HMCN1: variants seen among roughly 807,000 people sequenced by gnomAD.
The protein encoded by HMCN1 is hemicentin-1.
Under a neutral mutation model 625.9 loss-of-function variants are expected in HMCN1, and 321 were observed. The observed-to-expected ratio is 0.51, with a 90% CI of 0.47 to 0.56. The LOEUF (loss-of-function observed/expected upper bound fraction) is 0.56, where lower values mean the gene tolerates loss of function less well. Among genes scored for constraint, HMCN1 ranks in the 20% least tolerant of loss-of-function variants. The pLI is 0.00. For synonymous variants in HMCN1, 2,425 were observed against 2,417.6 expected, an observed-to-expected ratio of 1.00 and a Z score of -0.09; for missense variants, 6,588 against 6,887.3, an observed-to-expected ratio of 0.96 and a Z score of 1.54.
chr1:185,957,847 A>C (rs907049101), intron 11 of HMCN1, among the ~76,000 whole-genome samples: 1 of 152,196 alleles, frequency 6.6e-6, no homozygotes, highest in Admixed American at 6.5e-5. Context: ...TAATGATGAG[A>C]ATTACTTCAC....
chr1:186,081,321 C>T lies in HMCN1; in HGVS notation c.8714C>T (p.Ser2905Phe), dbSNP rs758228299. 8 of 1,613,614 alleles carry T rather than the reference C, an allele frequency of 5.0e-6. No homozygotes were observed. In the Admixed American group the frequency reaches 1.2e-4, roughly 24 times the overall value. Residue 2905 changes from serine to phenylalanine, a missense_variant, in exon 56 of 107, where the codon TCC (serine) becomes TTC (phenylalanine). Around this residue, in one of 3 missense-constraint regions of HMCN1, gnomAD observed 4,628 missense variants for 4,853.1 expected, o/e 0.95. Transcript: ENST00000271588. ...LSSGSPAPRN[S>F]WQKDGQPLLE... ...AGTGGCAGCCCAGCACCAAGGAATT[C>T]CTGGCAGAAAGATGGACAGCCCTTG...
chr1:185,806,333 G>T (rs1221199966), intron 1 of HMCN1, among the ~76,000 whole-genome samples: 1 of 151,980 alleles, frequency 6.6e-6, no homozygotes, highest in Non-Finnish European at 1.5e-5. Flanking sequence ...TATGTAGGGA[G>T]TGCTTTTCTC....
At chr1:185,923,298 T>C in intron 7 of HMCN1, 92 bp from the exon 8 acceptor site, 1 of 978,956 alleles carries the variant, frequency 1.0e-6, no homozygotes, top group East Asian at 2.5e-5. Flanking sequence ...ATCCTTATGG[T>C]ACTCATATAT....
rs144385476 is a variant in HMCN1, at chr1:185,799,555, C to T, written c.269-46471C>T. 2.2e-3 allele frequency among the ~76,000 whole-genome samples: 332 copies of T among 152,180 alleles called. 2 individuals are homozygous for T. The highest frequency in any genetic ancestry group is 7.6e-3 in the African/African-American group (314 of 41,532). On this transcript the variant is annotated intron_variant, in intron 1 of 106. Coordinates refer to ENST00000271588, the MANE Select transcript of HMCN1 (RefSeq NM_031935.3). The stretch of plus-strand genomic sequence containing the variant: ...AGAATGGTGTAGACTCTATGATTTC[C>T]TAGGTTATGAATACCCTTGGTGTGG...
At chr1:186,121,245 A>G (rs1193222177) in intron 80 of HMCN1, among the ~76,000 whole-genome samples, 2 of 152,170 alleles carry the variant, frequency 1.3e-5, no homozygotes, top group Admixed American at 1.3e-4. Context: ...GGCATGATGT[A>G]CCCTAAGATA....
At chr1:186,071,833 A>C (rs1658497457) in intron 52 of HMCN1, among the ~76,000 whole-genome samples, 1 of 152,154 alleles carries the variant, frequency 6.6e-6, no homozygotes, top group Non-Finnish European at 1.5e-5. Flanking sequence ...ATTCTTTATG[A>C]GTTTACTTGG....
At chr1:186,172,657 G>A (rs992671824) in intron 102 of HMCN1, among the ~76,000 whole-genome samples, 6 of 152,178 alleles carry the variant, frequency 3.9e-5, no homozygotes, top group Non-Finnish European at 8.8e-5. Context: ...TTTGTTCTGT[G>A]TATGTCTAGG....
chr1:185,814,673 AT>A lies in HMCN1; in HGVS notation c.269-31345del, dbSNP rs942199728. ...AATTATTTTATTGCACTTAATATTT[AT>A]TTTTTTTAATTATTATTATTTATTT... On this transcript the variant is annotated intron_variant, in intron 1 of 106. Coordinates refer to ENST00000271588, the MANE Select transcript of HMCN1 (RefSeq NM_031935.3). Among the ~76,000 whole-genome samples the A allele has an allele frequency of 3.4e-4, 50 of 148,236 alleles. 1 individual carries two copies. The East Asian group carries it at 5.8e-3, about 17-fold the overall frequency.
At chr1:186,181,195 A>C (rs1454496325) in intron 104 of HMCN1, among the ~76,000 whole-genome samples, 2 of 152,140 alleles carry the variant, frequency 1.3e-5, no homozygotes, top group African/African-American at 4.8e-5. Context: ...AAAAACTCAC[A>C]CAAGTCATAG....
At position 186,045,699 on chromosome 1, in the gene HMCN1, A is replaced by C; in HGVS notation, c.6316A>C (p.Ile2106Leu). 6.2e-7 allele frequency: 1 copy of C among 1,613,232 alleles called. No homozygotes were observed. Among genetic ancestry groups the C allele is most frequent in the Admixed American group, 1.7e-5 (1 of 59,988 alleles). Residue 2106 changes from isoleucine to leucine, a missense_variant, in exon 41 of 107, where the codon ATT becomes CTT. Physicochemically the swap from Ile to Leu is conservative, Grantham distance 5. Coordinates refer to ENST00000271588, the MANE Select transcript of HMCN1 (RefSeq NM_031935.3). ...CATCTTTCATGTAGTTCCGCCAAAT[A>C]TTATGGGAGAAGAACAGAATGTCTC... ...IDLRVYVPPN[I>L]MGEEQNVSVL...
At chr1:185,806,169 A>G (rs2102235215) in intron 1 of HMCN1, among the ~76,000 whole-genome samples, 1 of 152,252 alleles carries the variant, frequency 6.6e-6, no homozygotes, top group African/African-American at 2.4e-5. Flanking sequence ...AAATAACTCT[A>G]CGAAGTAGTT....
intron 1 of HMCN1, among the ~76,000 whole-genome samples, chr1:185,787,169 G>C (rs1484986779): frequency 6.6e-6 from 1 of 151,946 alleles, no homozygotes; most frequent in Non-Finnish European, 1.5e-5. Context: ...GTGTGTGTGT[G>C]TGTGTGTGTG....
At chr1:185,789,158 T>TA (rs1657824837) in intron 1 of HMCN1, among the ~76,000 whole-genome samples, 1 of 152,184 alleles carries the variant, frequency 6.6e-6, no homozygotes, top group African/African-American at 2.4e-5. Context: ...AATGGTACCT[T>TA]ATTGAGTATT....
intron 22 of HMCN1, 118 bp downstream of exon 22, chr1:185,990,561 T>C (rs564660716): frequency 1.2e-6 from 1 of 813,378 alleles, no homozygotes; most frequent in African/African-American, 1.7e-5. Context: ...ATTGAGATAA[T>C]TCACATGTAC....
chr1:186,160,207 T>G (rs1298958754), intron 97 of HMCN1, among the ~76,000 whole-genome samples: 1 of 148,876 alleles, frequency 6.7e-6, no homozygotes, highest in Non-Finnish European at 1.5e-5. Flanking sequence ...TTTATTTGCA[T>G]AGAGGTGTTT....
chr1:185,919,074 C>CATATATATATATAT lies in HMCN1; in HGVS notation c.901-3301_901-3288dup, dbSNP rs60205431. On this transcript the variant is annotated intron_variant, in intron 6 of 106. Transcript: ENST00000271588. Reference sequence around the variant, plus strand: ...AATTTTGGCCTCACTAATTTTAGGACATATATATATATATATAATTTTATT... The same window carrying CATATATATATATAT: ...AATTTTGGCCTCACTAATTTTAGGACATATATATATATATATATATATATATATATAATTTTATT... Among the ~76,000 whole-genome samples, 68 of 146,120 alleles carry CATATATATATATAT rather than the reference C, an allele frequency of 4.7e-4. 1 individual carries two copies. The highest frequency in any genetic ancestry group is 3.5e-3 in the Middle Eastern group (1 of 284).
intron 52 of HMCN1, among the ~76,000 whole-genome samples, chr1:186,070,993 T>C (rs1385304655): frequency 6.6e-6 from 1 of 152,204 alleles, no homozygotes; most frequent in Admixed American, 6.5e-5. Flanking sequence ...TTTGTAATTG[T>C]ATTTGTATAT....
chr1:186,162,030 C>A (rs1468878786), intron 97 of HMCN1, among the ~76,000 whole-genome samples: 5 of 152,144 alleles, frequency 3.3e-5, no homozygotes, highest in South Asian at 2.1e-4. Context: ...ACTTGGTTCC[C>A]TTCTCCCCAT....
chr1:186,063,096 A>ATATATATATATATATATATATATATATG (rs1185102259), intron 48 of HMCN1, among the ~76,000 whole-genome samples: 12 of 115,396 alleles, frequency 1.0e-4, no homozygotes, highest in African/African-American at 4.6e-4. Context: ...ATATATATAT[A>ATATATATATATATATATATATATATATG]TATATATCAC....
Sources: allele counts gnomAD v4.1 joint callset (sites outside exome capture counted in the v4.1 genomes callset), GRCh38; gene constraint gnomAD v4.1.1; regional missense constraint gnomAD v4.1.1; transcripts MANE v1.5; gene names NCBI Gene and HGNC (gene_info 2026-07-23, HGNC 2026-07-21).